MCF2L: variants seen among roughly 807,000 people sequenced by gnomAD.
The protein encoded by MCF2L is MCF.2 cell line derived transforming sequence like, also known as guanine nucleotide exchange factor DBS.
In MCF2L, 97 loss-of-function variants were observed where a neutral mutation model predicts 153.4. The ratio of observed to expected loss-of-function variants is 0.63; its 90% CI spans 0.54 to 0.75. The LOEUF is 0.75. MCF2L is among the 30% of genes least tolerant of loss of function. MCF2L has a pLI of 0.00. For missense variants in MCF2L, 1,347 were observed against 1,495.2 expected (o/e 0.90, Z 1.64); for synonymous variants, 659 against 632.2 (o/e 1.04, Z -0.64).
chr13:112,991,074 G>C (rs1007554315), intron 1 of MCF2L, among the ~76,000 whole-genome samples: 1 of 152,222 alleles, frequency 6.6e-6, no homozygotes, highest in African/African-American at 2.4e-5. Context: ...CCTGGGTCCA[G>C]CTGCTCTGTG....
intron 1 of MCF2L, among the ~76,000 whole-genome samples, chr13:112,972,326 T>C (rs1213469482): frequency 2.1e-5 from 3 of 145,296 alleles, no homozygotes; most frequent in Non-Finnish European, 4.5e-5. Context: ...GATGGATGGA[T>C]GGATGATGAT....
rs1323388618 is a variant in MCF2L, at chr13:113,028,785, G to A, written c.278+4027G>A. ...TTCCCCCACCAGACTCAGTGTGGGT[G>A]TCTGAGTGTGTGGTGTGAGTGTGTG... On this transcript the variant is annotated intron_variant, in intron 3 of 29. Coordinates refer to ENST00000535094, the MANE Select transcript of MCF2L (RefSeq NM_001112732.3). The surrounding 1 kb of genome is among the most constrained non-coding windows in gnomAD (Gnocchi z 5.4). 2.0e-5 allele frequency among the ~76,000 whole-genome samples: 3 copies of A among 152,206 alleles called. No homozygotes were observed. The highest frequency in any genetic ancestry group is 7.2e-5 in the African/African-American group (3 of 41,452).
chr13:112,942,056 A>G (rs1179688084), intron 2 of MCF2L, among the ~76,000 whole-genome samples: 1 of 152,216 alleles, frequency 6.6e-6, no homozygotes, highest in Non-Finnish European at 1.5e-5. Context: ...AGACCGGGAA[A>G]GGGAGTCTCC....
At chr13:113,016,867 C>T (rs1045471607) in intron 2 of MCF2L, among the ~76,000 whole-genome samples, 10 of 152,322 alleles carry the variant, frequency 6.6e-5, no homozygotes, top group Admixed American at 3.3e-4. Context: ...CACGTCCTCC[C>T]GTGTGTGGCG....
At chr13:112,981,104 T>C (rs567598027) in intron 1 of MCF2L, among the ~76,000 whole-genome samples, 2 of 150,224 alleles carry the variant, frequency 1.3e-5, no homozygotes, top group East Asian at 2.0e-4. Flanking sequence ...CGTCCCTTCC[T>C]GTGCACTGGG....
chr13:113,027,005 T>C lies in MCF2L; in HGVS notation c.278+2247T>C. 1.3e-6 allele frequency: 1 copy of C among 779,020 alleles called. No individual in the cohort carries two copies. The highest frequency in any genetic ancestry group is 2.4e-6 in the Non-Finnish European group (1 of 417,842). 48.3% of individuals were successfully genotyped at this position (779,020 alleles called of 1,614,324 possible). A position where few individuals can be genotyped will look rare whatever the true frequency, so the allele number is the denominator to read the frequency against. ...AATGTCAGCCTCACACCAGACAGTG[T>C]AGTTGCTGCTTCCATTTGGGGTATA... On this transcript the variant is annotated intron_variant, in intron 3 of 29. Coordinates refer to ENST00000535094, the MANE Select transcript of MCF2L (RefSeq NM_001112732.3). The surrounding 1 kb of genome is among the most constrained non-coding windows in gnomAD (Gnocchi z 4.8).
intron 2 of MCF2L, among the ~76,000 whole-genome samples, chr13:112,946,964 G>T (rs998077495): frequency 1.3e-5 from 2 of 152,162 alleles, no homozygotes; most frequent in Admixed American, 6.5e-5. Flanking sequence ...AGTTCCCAGG[G>T]TTTCTTTTGG....
At position 112,941,526 on chromosome 13, in the gene MCF2L, G is replaced by A. The variant is rs566547533; in HGVS notation, c.169+39155G>A. Among the ~76,000 whole-genome samples, 10 of 151,982 alleles carry A rather than the reference G, an allele frequency of 6.6e-5. No individual in the cohort carries two copies. Among genetic ancestry groups the A allele is most frequent in the South Asian group, 4.2e-4 (2 of 4,810 alleles). ...TGAGTCAACACAGGTGTAGGCGGGC[G>A]CAGGTGTGGATGTCAGGTGATCGAG... On this transcript the variant is annotated intron_variant, in intron 2 of 29. Coordinates refer to the MCF2L transcript ENST00000375608. The surrounding 1 kb of genome is among the most constrained non-coding windows in gnomAD (Gnocchi z 4.9).
At chr13:113,025,623 G>C (rs1268412582) in intron 3 of MCF2L, among the ~76,000 whole-genome samples, 2 of 123,664 alleles carry the variant, frequency 1.6e-5, no homozygotes, top group Non-Finnish European at 3.5e-5. Context: ...GTCCCTGTGA[G>C]GTTTCCCCAT....
chr13:112,970,802 C>G (rs188760393), intron 1 of MCF2L, among the ~76,000 whole-genome samples: 3 of 152,120 alleles, frequency 2.0e-5, no homozygotes, highest in Non-Finnish European at 4.4e-5. Context: ...TGGAAAAAGG[C>G]TATCTCAGAA....
chr13:112,917,791 C>G (rs55994099), intron 2 of MCF2L, among the ~76,000 whole-genome samples: 3,380 of 152,276 alleles, frequency 0.022, 117 homozygotes, highest in African/African-American at 0.077. Flanking sequence ...TTTCCCTTCT[C>G]TTGTTTGCTG....
chr13:112,931,010 A>G (rs1021163863), intron 2 of MCF2L, among the ~76,000 whole-genome samples: 3 of 152,152 alleles, frequency 2.0e-5, no homozygotes, highest in African/African-American at 7.2e-5. Context: ...GAACCAGGAG[A>G]CACAAGCCAG....
chr13:113,017,286 T>C (rs1426543236), intron 2 of MCF2L, among the ~76,000 whole-genome samples: 2 of 152,218 alleles, frequency 1.3e-5, no homozygotes, highest in Non-Finnish European at 2.9e-5. Context: ...TCTCTCAGGT[T>C]CCGTGGGGCT....
chr13:113,083,559 G>A (rs2142010605), intron 17 of MCF2L, among the ~76,000 whole-genome samples: 1 of 152,336 alleles, frequency 6.6e-6, no homozygotes, highest in Middle Eastern at 3.4e-3. Flanking sequence ...ACTTCCTCCA[G>A]GGGACAGATG....
Position 113,075,196 on chromosome 13 carries a change from C to T in MCF2L, c.1308+7C>T, listed in dbSNP as rs368231633. On this transcript the variant is annotated splice_region_variant and intron_variant, in intron 11 of 29. Coordinates refer to ENST00000535094, the MANE Select transcript of MCF2L (RefSeq NM_001112732.3). ...GCACCGCCGCCTGGAGACGGTAGGC[C>T]GAGCCGGACCCCACCCCACTCCCCC... 1.1e-4 allele frequency: 170 copies of T among 1,580,896 alleles called. No individual in the cohort carries two copies. The East Asian group carries it at 3.5e-3, about 32-fold the overall frequency.
rs148468622 is a variant in MCF2L, at chr13:113,027,979, C to T, written c.278+3221C>T. ...AAGGGCCTGTGTCCCAGGGGACGGC[C>T]GGCCTGACAGGTACATCCGCCCCCT... On this transcript the variant is annotated intron_variant, in intron 3 of 29. Coordinates refer to ENST00000535094, the MANE Select transcript of MCF2L (RefSeq NM_001112732.3). This position sits in a 1 kb window ranked among gnomAD's most constrained non-coding sequence, Gnocchi z 4.8. Among the ~76,000 whole-genome samples, 19 of 152,196 alleles carry T rather than the reference C, an allele frequency of 1.2e-4. No individual in the cohort carries two copies. Among genetic ancestry groups the T allele is most frequent in the East Asian group, 5.8e-4 (3 of 5,172 alleles).
At chr13:113,081,078 TG>T in intron 15 of MCF2L, 134 bp from the exon 16 acceptor site, 3 of 693,240 alleles carry the variant, frequency 4.3e-6, no homozygotes, top group Non-Finnish European at 4.6e-6. Flanking sequence ...GTCCAGCCTG[TG>T]GGCTTTGGGT....
At chr13:112,938,148 GT>G in intron 2 of MCF2L, among the ~76,000 whole-genome samples, 1 of 144,814 alleles carries the variant, frequency 6.9e-6, no homozygotes, top group African/African-American at 2.6e-5. Flanking sequence ...TGAGGGGTTG[GT>G]TCAGGTGAGC....
Position 113,012,391 on chromosome 13 carries a change from G to A in MCF2L, c.80-2372G>A, listed in dbSNP as rs527466960. On this transcript the variant is annotated intron_variant, in intron 1 of 29. Transcript: ENST00000535094. ...CGGACGGTGGACAGGCAGTGTGGAC[G>A]GTGGACACTGTGATGCGGACGGTGG... 2.6e-4 allele frequency among the ~76,000 whole-genome samples: 27 copies of A among 105,374 alleles called. 5 individuals are homozygous for A. In the South Asian group the frequency reaches 4.5e-3, roughly 17 times the overall value. The allele number at this position is 105,374 out of a possible 152,430, so 69.1% of individuals were successfully genotyped here.
Sources: allele counts gnomAD v4.1 joint callset (sites outside exome capture counted in the v4.1 genomes callset), GRCh38; gene constraint gnomAD v4.1.1; non-coding constraint Gnocchi (gnomAD v3.1); transcripts MANE v1.5; gene names NCBI Gene and HGNC (gene_info 2026-07-23, HGNC 2026-07-21).